SKAP1: variants seen among roughly 807,000 people sequenced by gnomAD.
SKAP1 encodes the protein src kinase associated phosphoprotein 1.
A neutral mutation model predicts 58.5 loss-of-function variants in SKAP1; 44 were observed. That is an observed-to-expected ratio of 0.75 (90% confidence interval 0.59 to 0.97). The LOEUF (loss-of-function observed/expected upper bound fraction) is 0.97, where lower values mean the gene tolerates loss of function less well. Ranked by LOEUF, SKAP1 falls within the 50% of genes least tolerant of loss-of-function variation. The pLI is 0.00. For synonymous variants in SKAP1, 127 were observed against 149.7 expected, an observed-to-expected ratio of 0.85 and a Z score of 1.11; for missense variants, 390 against 435.2, an observed-to-expected ratio of 0.90 and a Z score of 0.92.
intron 1 of SKAP1, among the ~76,000 whole-genome samples, chr17:48,422,199 G>C (rs887546455): frequency 2.0e-5 from 3 of 152,020 alleles, no homozygotes; most frequent in Admixed American, 6.6e-5. Context: ...GACAGAGTGA[G>C]ACTCCATCTC....
At chr17:48,210,697 G>GTTA (rs2064861231) in intron 4 of SKAP1, among the ~76,000 whole-genome samples, 1 of 152,208 alleles carries the variant, frequency 6.6e-6, no homozygotes, top group Non-Finnish European at 1.5e-5. Flanking sequence ...ACCAATAAAA[G>GTTA]TTAGGACTTC....
intron 10 of SKAP1, among the ~76,000 whole-genome samples, chr17:48,167,490 T>A (rs1367556633): frequency 1.3e-5 from 2 of 152,214 alleles, no homozygotes; most frequent in Non-Finnish European, 2.9e-5. Context: ...TCCCTTTGTT[T>A]CTTTCATGTA....
intron 4 of SKAP1, among the ~76,000 whole-genome samples, chr17:48,299,786 G>A (rs1023383155): frequency 1.3e-5 from 2 of 152,226 alleles, no homozygotes; most frequent in Admixed American, 1.3e-4. Context: ...AGTCCAACCT[G>A]GGGCAACTAG....
At chr17:48,434,561 G>C (rs910038065), upstream of SKAP1, among the ~76,000 whole-genome samples, 1 of 152,248 alleles carries the variant, frequency 6.6e-6, no homozygotes, top group Admixed American at 6.5e-5. Flanking sequence ...AAAATAAGCA[G>C]CTTCTCATAT....
chr17:48,232,863 G>T (rs143146149), intron 4 of SKAP1, among the ~76,000 whole-genome samples: 2 of 152,238 alleles, frequency 1.3e-5, no homozygotes, highest in African/African-American at 4.8e-5. Context: ...TCAGGATTTC[G>T]CAGAATAATG....
At chr17:48,266,718 G>C (rs1043810433) in intron 4 of SKAP1, among the ~76,000 whole-genome samples, 3 of 151,904 alleles carry the variant, frequency 2.0e-5, no homozygotes, top group African/African-American at 7.3e-5. Context: ...CACTGTGTTG[G>C]CCAGGATGGT....
chr17:48,137,680 G>A (rs1400588248), intron 11 of SKAP1, among the ~76,000 whole-genome samples: 1 of 152,046 alleles, frequency 6.6e-6, no homozygotes, highest in East Asian at 1.9e-4. Context: ...ATATTCAAGG[G>A]GTCAAGTCAT....
At chr17:48,317,708 T>C (rs1165150091) in intron 4 of SKAP1, among the ~76,000 whole-genome samples, 1 of 152,222 alleles carries the variant, frequency 6.6e-6, no homozygotes, top group African/African-American at 2.4e-5. Flanking sequence ...CTTCGAGGTC[T>C]GAAATAATTC....
chr17:48,412,870 T>G (rs1317126887), intron 1 of SKAP1, among the ~76,000 whole-genome samples: 1 of 152,114 alleles, frequency 6.6e-6, no homozygotes. Flanking sequence ...ATATTAATTT[T>G]TAAAAGACTT....
intron 1 of SKAP1, among the ~76,000 whole-genome samples, chr17:48,404,454 A>G (rs2067544006): frequency 6.6e-6 from 1 of 152,182 alleles, no homozygotes; most frequent in Non-Finnish European, 1.5e-5. Context: ...CTCTATAGAA[A>G]CAAAACCAAA....
intron 4 of SKAP1, among the ~76,000 whole-genome samples, chr17:48,236,670 A>C (rs2065184858): frequency 6.6e-6 from 1 of 152,208 alleles, no homozygotes; most frequent in South Asian, 2.1e-4. Flanking sequence ...GCGAAGTTTG[A>C]GCTAAATCTT....
At chr17:48,255,412 C>G (rs2065411951) in intron 4 of SKAP1, among the ~76,000 whole-genome samples, 1 of 149,490 alleles carries the variant, frequency 6.7e-6, no homozygotes, top group Admixed American at 6.7e-5. Context: ...CCAGTACTAA[C>G]TAAATATATA....
At chr17:48,400,479 T>C (rs1030060653) in intron 1 of SKAP1, among the ~76,000 whole-genome samples, 4 of 152,062 alleles carry the variant, frequency 2.6e-5, no homozygotes, top group African/African-American at 9.7e-5. Flanking sequence ...GCATGTAGGA[T>C]GGGCATGGTG....
chr17:48,179,743 C>A (rs2064342389), intron 9 of SKAP1, among the ~76,000 whole-genome samples: 1 of 152,138 alleles, frequency 6.6e-6, no homozygotes, highest in South Asian at 2.1e-4. Flanking sequence ...ATGACTCATT[C>A]CAAAACTCAC....
intron 2 of SKAP1, among the ~76,000 whole-genome samples, chr17:48,371,857 A>G (rs551631380): frequency 1.3e-5 from 2 of 151,782 alleles, no homozygotes; most frequent in South Asian, 4.2e-4. Context: ...AGAAAAGAAA[A>G]AGAAAAAAAG....
chr17:48,152,530 TG>T (rs2063914021), intron 11 of SKAP1, among the ~76,000 whole-genome samples: 1 of 152,214 alleles, frequency 6.6e-6, no homozygotes, highest in African/African-American at 2.4e-5. Context: ...CTGGAGGAGC[TG>T]CTTGTTATAA....
At chr17:48,423,981 A>C (rs1294078626) in intron 1 of SKAP1, among the ~76,000 whole-genome samples, 1 of 152,030 alleles carries the variant, frequency 6.6e-6, no homozygotes, top group Non-Finnish European at 1.5e-5. Context: ...AGGGTATATA[A>C]CTTGAAGGCA....
intron 4 of SKAP1, among the ~76,000 whole-genome samples, chr17:48,231,562 A>C (rs2065126309): frequency 6.6e-6 from 1 of 151,894 alleles, no homozygotes; most frequent in Non-Finnish European, 1.5e-5. Flanking sequence ...AAAAGAAAGC[A>C]AGGAATTTTA....
chr17:48,381,573 A>C (rs2067215249), intron 2 of SKAP1, among the ~76,000 whole-genome samples: 1 of 152,226 alleles, frequency 6.6e-6, no homozygotes, highest in South Asian at 2.1e-4. Context: ...TACCTCAATA[A>C]AACTGGAAAA....
Sources: gnomAD v4.1 joint callset for allele counts (sites outside exome capture counted in the v4.1 genomes callset) on GRCh38, gnomAD v4.1.1 for gene constraint, MANE v1.5 for transcripts, NCBI Gene and HGNC (gene_info 2026-07-23, HGNC 2026-07-21) for gene names.